The following MAP3K20 variants were observed in gnomAD, a reference collection of about 807,000 sequenced individuals.
The protein encoded by MAP3K20 is mitogen-activated protein kinase kinase kinase 20.
Under a neutral mutation model 85.7 loss-of-function variants are expected in MAP3K20, and 40 were observed. That is an observed-to-expected ratio of 0.47 (90% CI 0.36 to 0.61). MAP3K20 has a LOEUF of 0.61. Ranked by LOEUF, MAP3K20 falls within the 20% of genes least tolerant of loss-of-function variation. The pLI is 0.00. For missense variants in MAP3K20, 817 were observed against 961.7 expected, an observed-to-expected ratio of 0.85 and a Z score of 1.99; for synonymous variants, 325 against 327.7, an observed-to-expected ratio of 0.99 and a Z score of 0.09.
chr2:173,229,827 A>T, intron 12 of MAP3K20, 94 bp downstream of exon 12: 1 of 1,380,208 alleles, frequency 7.2e-7, no homozygotes, highest in Non-Finnish European at 1.0e-6. Flanking sequence ...GCCTTAGGAA[A>T]GTCTAACTAG....
At chr2:173,199,981 A>C (rs541616350) in intron 8 of MAP3K20, among the ~76,000 whole-genome samples, 3 of 152,302 alleles carry the variant, frequency 2.0e-5, no homozygotes, top group African/African-American at 7.2e-5. Context: ...AGTAGAGTTT[A>C]CTATTTTATT....
At chr2:173,076,884 C>G (rs918999402) in intron 1 of MAP3K20, among the ~76,000 whole-genome samples, 1 of 152,260 alleles carries the variant, frequency 6.6e-6, no homozygotes. Flanking sequence ...TTTCAGAAAA[C>G]TTTAATTCAG....
intron 1 of MAP3K20, among the ~76,000 whole-genome samples, chr2:173,090,098 T>C (rs1687250197): frequency 6.6e-6 from 1 of 152,170 alleles, no homozygotes; most frequent in Non-Finnish European, 1.5e-5. Flanking sequence ...ACACAAACTT[T>C]TTTATCCACT....
At chr2:173,209,520 C>T (rs1229499501) in intron 9 of MAP3K20, 2 of 424,406 alleles carry the variant, frequency 4.7e-6, no homozygotes, top group Non-Finnish European at 8.3e-6. Context: ...TGAATCTCTC[C>T]TTGTGAATAG....
At chr2:173,126,855 C>G (rs2106194830) in intron 2 of MAP3K20, among the ~76,000 whole-genome samples, 1 of 152,320 alleles carries the variant, frequency 6.6e-6, no homozygotes, top group Non-Finnish European at 1.5e-5. Flanking sequence ...ACGTTTAACT[C>G]TGACATTGAT....
chr2:173,233,600 G>A (rs1353145277), intron 14 of MAP3K20, among the ~76,000 whole-genome samples: 1 of 152,180 alleles, frequency 6.6e-6, no homozygotes, highest in African/African-American at 2.4e-5. Context: ...AGATGGACGA[G>A]TGTGTATAGG....
intron 16 of MAP3K20, 96 bp downstream of exon 16, chr2:173,239,592 G>T: frequency 9.3e-7 from 1 of 1,076,766 alleles, no homozygotes; most frequent in Non-Finnish European, 1.3e-6. Context: ...CTACCAGCTG[G>T]TAACTGGATT....
intron 10 of MAP3K20, chr2:173,211,495 TTCA>T (rs1416293486): frequency 6.6e-6 from 1 of 152,302 alleles, no homozygotes; most frequent in East Asian, 1.9e-4. Context: ...TTAACTCCTG[TTCA>T]TCATTCACAT....
chr2:173,112,953 C>T (rs1688016207), intron 2 of MAP3K20, among the ~76,000 whole-genome samples: 1 of 151,838 alleles, frequency 6.6e-6, no homozygotes. Context: ...GGGAGGGTTC[C>T]TTCTTTCTCT....
chr2:173,239,629 A>G, intron 16 of MAP3K20, 133 bp downstream of exon 16: 1 of 793,718 alleles, frequency 1.3e-6, no homozygotes, highest in Non-Finnish European at 1.9e-6. Flanking sequence ...ACTTTATAAA[A>G]TAGAATTTAG....
intron 7 of MAP3K20, among the ~76,000 whole-genome samples, chr2:173,194,878 C>T (rs1396817933): frequency 6.6e-6 from 1 of 152,040 alleles, no homozygotes; most frequent in Non-Finnish European, 1.5e-5. Flanking sequence ...ACCACCAGCC[C>T]TCCCCAGGTT....
Position 173,239,118 on chromosome 2 carries a change from G to A in MAP3K20, c.1267-286G>A, listed in dbSNP as rs145892200. Among the ~76,000 whole-genome samples the A allele has an allele frequency of 2.5e-3, 386 of 152,236 alleles. 2 individuals carry two copies. The highest frequency in any genetic ancestry group is 9.0e-3 in the African/African-American group (374 of 41,522). ...CACAATGCATCTCTAGGTGCTAAGT[G>A]CATTTCTAGGGTAAAATTGCACAAT... On this transcript the variant is annotated intron_variant, in intron 15 of 19. Transcript: ENST00000375213.
intron 2 of MAP3K20, among the ~76,000 whole-genome samples, chr2:173,131,694 A>C (rs1688622760): frequency 6.6e-6 from 1 of 152,230 alleles, no homozygotes; most frequent in Non-Finnish European, 1.5e-5. Flanking sequence ...GTAGAAATAT[A>C]GAAAGATGGC....
chr2:173,209,265 AT>A (rs902313872), intron 9 of MAP3K20, among the ~76,000 whole-genome samples: 2 of 152,138 alleles, frequency 1.3e-5, no homozygotes, highest in African/African-American at 2.4e-5. Context: ...TGATAGGTAG[AT>A]TTCCCCCCAA....
At chr2:173,200,297 C>A (rs976789498) in intron 8 of MAP3K20, among the ~76,000 whole-genome samples, 2 of 152,178 alleles carry the variant, frequency 1.3e-5, no homozygotes, top group African/African-American at 2.4e-5. Flanking sequence ...AAAATAAATT[C>A]TGTTGACATA....
At chr2:173,140,615 G>T (rs1688944170) in intron 2 of MAP3K20, among the ~76,000 whole-genome samples, 1 of 152,194 alleles carries the variant, frequency 6.6e-6, no homozygotes, top group South Asian at 2.1e-4. Flanking sequence ...CTCCCAAAGT[G>T]CTGGGATTAC....
chr2:173,252,477 G>C (rs1457628513), intron 16 of MAP3K20, among the ~76,000 whole-genome samples: 2 of 152,052 alleles, frequency 1.3e-5, no homozygotes, highest in African/African-American at 2.4e-5. Context: ...TGCATATTCT[G>C]GGCACCCACC....
chr2:173,123,782 T>G (rs2106191073), intron 2 of MAP3K20, among the ~76,000 whole-genome samples: 1 of 152,176 alleles, frequency 6.6e-6, no homozygotes, highest in Admixed American at 6.5e-5. Flanking sequence ...CAGTACATTT[T>G]TTTTTTTATT....
chr2:173,160,017 G>A (rs1689600784), intron 2 of MAP3K20: 1 of 152,140 alleles, frequency 6.6e-6, no homozygotes, highest in African/African-American at 2.4e-5. Context: ...AGTTGCTTAA[G>A]AAGAGTGGGG....
Sources: gnomAD v4.1 joint callset for allele counts (sites outside exome capture counted in the v4.1 genomes callset) on GRCh38, gnomAD v4.1.1 for gene constraint, MANE v1.5 for transcripts, NCBI Gene and HGNC (gene_info 2026-07-23, HGNC 2026-07-21) for gene names.